The following ARFGEF3 variants were observed in gnomAD, a reference collection of about 807,000 sequenced individuals.
The protein encoded by ARFGEF3 is brefeldin A-inhibited guanine nucleotide-exchange protein 3.
ARFGEF3 carries 96 observed loss-of-function variants against 221.7 expected under a neutral mutation model. That is an observed-to-expected ratio of 0.43 (90% confidence interval 0.37 to 0.51). The LOEUF is 0.51. Ranked by LOEUF, ARFGEF3 falls within the 20% of genes least tolerant of loss-of-function variation. ARFGEF3 has a pLI of 0.00. For synonymous variants in ARFGEF3, 1,145 were observed against 1,126.8 expected (o/e 1.02, Z -0.32); for missense variants, 2,410 against 2,789.9 (o/e 0.86, Z 3.07).
In ARFGEF3 at chr6:138,308,796, T is replaced by C; in HGVS notation, c.4031T>C (p.Ile1344Thr). The C allele has an allele frequency of 1.2e-6, 2 of 1,613,992 alleles. No homozygotes were observed. Among genetic ancestry groups the C allele is most frequent in the Non-Finnish European group, 1.7e-6 (2 of 1,179,822 alleles). ...VFEAFLNTDNIQVFANAATSY... is the reference protein window; with the variant it reads ...VFEAFLNTDNTQVFANAATSY... ...GAAGCTTTTCTCAATACTGACAACA[T>C]CCAGGTCTTTGCTAATGCAGCCACT... The change falls in exon 24 of 34, where the codon ATC (isoleucine) becomes ACC (threonine). Residue 1344 changes from isoleucine (I) to threonine (T), a missense_variant. Physicochemically the swap from Ile to Thr is moderately conservative, Grantham distance 89. Around this residue, in one of 5 missense-constraint regions of ARFGEF3, gnomAD observed 723 missense variants for 991.9 expected, o/e 0.73. Coordinates refer to ENST00000251691, the MANE Select transcript of ARFGEF3 (RefSeq NM_020340.5).
At position 138,321,093 on chromosome 6, in the gene ARFGEF3, T is replaced by C. The variant is rs1780019176; in HGVS notation, c.4652-18T>C. ...ACACTAGAGCTGTGTGAAACTGTGATTTTGCTGTTTCCCATAGATATCAGG... is the reference window on the plus strand; with the variant it reads ...ACACTAGAGCTGTGTGAAACTGTGACTTTGCTGTTTCCCATAGATATCAGG... On this transcript the variant is annotated intron_variant, in intron 28 of 33. Transcript: ENST00000251691. The C allele has an allele frequency of 6.9e-7, 1 of 1,448,686 alleles. No individual in the cohort carries two copies. Among genetic ancestry groups the C allele is most frequent in the African/African-American group, 1.4e-5 (1 of 71,044 alleles). 89.7% of individuals were successfully genotyped at this position (1,448,686 alleles called of 1,614,324 possible).
intron 12 of ARFGEF3, among the ~76,000 whole-genome samples, chr6:138,266,735 G>A (rs1486404288): frequency 6.6e-6 from 1 of 151,738 alleles, no homozygotes; most frequent in Non-Finnish European, 1.5e-5. Context: ...TGTAGTCCCA[G>A]CTACTTGGGA....
intron 32 of ARFGEF3, among the ~76,000 whole-genome samples, chr6:138,333,633 G>A (rs6570227): frequency 0.15 from 23,284 of 151,972 alleles, 3,022 homozygotes; most frequent in African/African-American, 0.36. Context: ...TAGTAGAGAC[G>A]GGGTTTCACC....
intron 1 of ARFGEF3, among the ~76,000 whole-genome samples, chr6:138,166,300 C>T (rs538839829): frequency 1.4e-4 from 22 of 152,256 alleles, no homozygotes; most frequent in Non-Finnish European, 2.9e-4. Flanking sequence ...AATAATGGAA[C>T]AACATAAAGA....
chr6:138,239,256 T>C (rs1778349035), intron 6 of ARFGEF3, among the ~76,000 whole-genome samples: 1 of 152,216 alleles, frequency 6.6e-6, no homozygotes. Flanking sequence ...GTGTTTTGTG[T>C]TGTTTTAAAA....
At chr6:138,197,904 G>T (rs1465746651) in intron 2 of ARFGEF3, among the ~76,000 whole-genome samples, 1 of 152,146 alleles carries the variant, frequency 6.6e-6, no homozygotes, top group Non-Finnish European at 1.5e-5. Flanking sequence ...GGTACAAATG[G>T]AAAGTATAAA....
intron 3 of ARFGEF3, among the ~76,000 whole-genome samples, chr6:138,209,430 C>T (rs148631774): frequency 7.9e-5 from 12 of 152,188 alleles, no homozygotes; most frequent in African/African-American, 1.2e-4. Context: ...TTGCCAAAAA[C>T]GGTTTATTCA....
chr6:138,318,644 A>C (rs1779968528), intron 27 of ARFGEF3, among the ~76,000 whole-genome samples: 1 of 152,250 alleles, frequency 6.6e-6, no homozygotes, highest in East Asian at 1.9e-4. Context: ...AAGTCCTAAA[A>C]GGAAATACAT....
rs763252567 is a variant in ARFGEF3 at position 138,341,589 on chromosome 6, T to C, written c.*5103T>C. The C allele has an allele frequency of 3.9e-5, 6 of 152,394 alleles. No homozygotes were observed. The highest frequency in any genetic ancestry group is 6.5e-5 in the Admixed American group (1 of 15,270). The allele number at this position is 152,394 out of a possible 1,614,324, so 9.4% of individuals were successfully genotyped here. On this transcript the variant is annotated 3_prime_UTR_variant, in exon 34 of 34. Transcript: ENST00000251691. ...ATATGAGCTTGTCACTGGGAAAGAT[T>C]TGTAAAATTGATCAAGAACTTGATT...
intron 1 of ARFGEF3, among the ~76,000 whole-genome samples, chr6:138,168,259 CAT>C (rs1426510681): frequency 6.6e-6 from 1 of 152,082 alleles, no homozygotes; most frequent in Non-Finnish European, 1.5e-5. Context: ...AAAGGGAAAA[CAT>C]AAAATAGTGA....
chr6:138,181,787 G>A (rs989066126), intron 2 of ARFGEF3, among the ~76,000 whole-genome samples: 1 of 152,166 alleles, frequency 6.6e-6, no homozygotes, highest in African/African-American at 2.4e-5. Flanking sequence ...TTTGCTGTGT[G>A]CATTATTCTG....
chr6:138,162,259 C>T lies in ARFGEF3; in HGVS notation c.85+88C>T. On this transcript the variant is annotated intron_variant, in intron 1 of 33. Coordinates refer to ENST00000251691, the MANE Select transcript of ARFGEF3 (RefSeq NM_020340.5). The surrounding 1 kb of genome is among the most constrained non-coding windows in gnomAD (Gnocchi z 4.7). Reference sequence around the variant, plus strand: ...CTCCGCGCGTGGGGCTTTCGCGGAGCGTCGGTCATGGGTGCCGTTCTGGCG... The same window carrying T: ...CTCCGCGCGTGGGGCTTTCGCGGAGTGTCGGTCATGGGTGCCGTTCTGGCG... 2 of 916,750 alleles carry T rather than the reference C, an allele frequency of 2.2e-6. No individual in the cohort carries two copies. Among genetic ancestry groups the T allele is most frequent in the Admixed American group, 2.8e-5 (1 of 35,400 alleles). The allele number at this position is 916,750 out of a possible 1,614,324, so 56.8% of individuals were successfully genotyped here.
Position 138,291,292 on chromosome 6 carries a change from C to T in ARFGEF3, c.3048-441C>T, listed in dbSNP as rs1020446767. On this transcript the variant is annotated intron_variant, in intron 18 of 33. Coordinates refer to ENST00000251691, the MANE Select transcript of ARFGEF3 (RefSeq NM_020340.5). This position sits in a 1 kb window ranked among gnomAD's most constrained non-coding sequence, Gnocchi z 4.5. ...ACCCACTGTGGCTAGTTGGCCTCTC[C>T]GTCATAGGTATAGCCATTCTGGGAT... is the stretch of plus-strand genomic sequence containing the variant. Among the ~76,000 whole-genome samples the T allele has an allele frequency of 3.9e-5, 6 of 152,156 alleles. No homozygotes were observed. The highest frequency in any genetic ancestry group is 1.4e-4 in the African/African-American group (6 of 41,414).
At chr6:138,306,395 A>G (rs1779724061) in intron 22 of ARFGEF3, among the ~76,000 whole-genome samples, 1 of 152,156 alleles carries the variant, frequency 6.6e-6, no homozygotes, top group African/African-American at 2.4e-5. Context: ...CCCCAAATTG[A>G]TGTATAGATT....
At chr6:138,267,577 A>G (rs1325977155) in intron 12 of ARFGEF3, among the ~76,000 whole-genome samples, 1 of 152,234 alleles carries the variant, frequency 6.6e-6, no homozygotes, top group Non-Finnish European at 1.5e-5. Context: ...ACTGACTTCC[A>G]AGGGACCACC....
At position 138,238,647 on chromosome 6, in the gene ARFGEF3, C is replaced by T; in HGVS notation, c.543+16C>T. On this transcript the variant is annotated intron_variant, in intron 6 of 33. Coordinates refer to ENST00000251691, the MANE Select transcript of ARFGEF3 (RefSeq NM_020340.5). ...GGAGAATACGGTGAGTCTGTGACAC[C>T]CCCATGTTCATCACCTTCCTGGTGG... The T allele has an allele frequency of 6.2e-7, 1 of 1,611,498 alleles. No individual in the cohort carries two copies. The highest frequency in any genetic ancestry group is 8.5e-7 in the Non-Finnish European group (1 of 1,178,636).
intron 12 of ARFGEF3, among the ~76,000 whole-genome samples, chr6:138,273,021 G>T (rs1323039720): frequency 1.3e-5 from 2 of 152,144 alleles, no homozygotes; most frequent in Non-Finnish European, 2.9e-5. Flanking sequence ...AGTGGTATAT[G>T]CACAGTCATT....
At chr6:138,306,770 TA>T (rs11331373) in intron 22 of ARFGEF3, among the ~76,000 whole-genome samples, 48,126 of 149,548 alleles carry the variant, frequency 0.32, 8,062 homozygotes, top group East Asian at 0.65. Flanking sequence ...CTCACCATGC[TA>T]AAAAAAAAAT....
intron 21 of ARFGEF3, among the ~76,000 whole-genome samples, chr6:138,298,098 G>A (rs1372205361): frequency 6.6e-6 from 1 of 152,158 alleles, no homozygotes; most frequent in East Asian, 1.9e-4. Context: ...ACTGGCCAAA[G>A]CAACTCACAC....
Sources: gnomAD v4.1 joint callset for allele counts (sites outside exome capture counted in the v4.1 genomes callset) on GRCh38, gnomAD v4.1.1 for gene constraint, gnomAD v4.1.1 regional missense constraint, Gnocchi (gnomAD v3.1) non-coding constraint, MANE v1.5 for transcripts, NCBI Gene and HGNC (gene_info 2026-07-23, HGNC 2026-07-21) for gene names.